LMO7: variants seen among roughly 807,000 people sequenced by gnomAD.
The protein encoded by LMO7 is LIM domain 7.
Under a neutral mutation model 206.5 loss-of-function variants are expected in LMO7, and 120 were observed. That is an observed-to-expected ratio of 0.58 (90% CI 0.50 to 0.68). LMO7 has a LOEUF of 0.68. Ranked by LOEUF, LMO7 falls within the 30% of genes least tolerant of loss-of-function variation. The pLI is 0.00. For synonymous variants in LMO7, 706 were observed against 681.5 expected, an observed-to-expected ratio of 1.04 and a Z score of -0.56; for missense variants, 1,959 against 1,957.9, an observed-to-expected ratio of 1.00 and a Z score of -0.01.
chr13:75,797,937 C>T (rs1595086853), intron 6 of LMO7, among the ~76,000 whole-genome samples: 1 of 152,160 alleles, frequency 6.6e-6, no homozygotes, highest in Admixed American at 6.5e-5. Flanking sequence ...CCTCATAAAG[C>T]ACAATTGTCT....
intron 4 of LMO7, among the ~76,000 whole-genome samples, chr13:75,788,230 A>G (rs1456400156): frequency 1.3e-5 from 2 of 151,960 alleles, no homozygotes; most frequent in African/African-American, 4.8e-5. Flanking sequence ...GGCTTGTTGC[A>G]TATATAAAAA....
chr13:75,733,335 C>T (rs1043518803), intron 3 of LMO7, among the ~76,000 whole-genome samples: 19 of 152,208 alleles, frequency 1.2e-4, no homozygotes, highest in Admixed American at 2.6e-4. Flanking sequence ...CAATGGCGGG[C>T]GCCCCTCCCC....
Position 75,834,506 on chromosome 13 carries a change from G to A in LMO7, c.3226+119G>A, listed in dbSNP as rs996278916. ...TTTCACTTATGTTTTGGCATTAAAGGTTTTTGTAGTTACGTCATGACAAAT... is the reference window on the plus strand; with the variant it reads ...TTTCACTTATGTTTTGGCATTAAAGATTTTTGTAGTTACGTCATGACAAAT... On this transcript the variant is annotated intron_variant, in intron 17 of 30. Transcript: ENST00000377534. 1.2e-4 allele frequency: 89 copies of A among 725,092 alleles called. 1 individual carries two copies. The highest frequency in any genetic ancestry group is 1.8e-4 in the Non-Finnish European group (82 of 463,708). The allele number at this position is 725,092 out of a possible 1,614,324, so 44.9% of individuals were successfully genotyped here. A position where few individuals can be genotyped will look rare whatever the true frequency, so the allele number is the denominator to read the frequency against.
intron 6 of LMO7, among the ~76,000 whole-genome samples, chr13:75,797,633 T>C (rs2054200808): frequency 6.6e-6 from 1 of 152,192 alleles, no homozygotes; most frequent in African/African-American, 2.4e-5. Context: ...TTGCAATAAA[T>C]ATTAGTTGCT....
intron 2 of LMO7, among the ~76,000 whole-genome samples, chr13:75,721,397 G>A (rs1306478524): frequency 6.6e-6 from 1 of 152,162 alleles, no homozygotes; most frequent in Non-Finnish European, 1.5e-5. Context: ...TTTGGAGAGG[G>A]AGAGGGTTGT....
chr13:75,688,399 T>G (rs578139964), intron 1 of LMO7, among the ~76,000 whole-genome samples: 5 of 152,340 alleles, frequency 3.3e-5, no homozygotes, highest in South Asian at 4.1e-4. Context: ...GATAAACTCC[T>G]TAGAAAAAGG....
chr13:75,771,973 A>G (rs1176034177), intron 4 of LMO7, among the ~76,000 whole-genome samples: 3 of 152,094 alleles, frequency 2.0e-5, no homozygotes, highest in Non-Finnish European at 4.4e-5. Context: ...ATCAAGGGTA[A>G]CAATAAATAG....
intron 1 of LMO7, among the ~76,000 whole-genome samples, chr13:75,662,824 G>C (rs1187681085): frequency 6.6e-6 from 1 of 152,224 alleles, no homozygotes; most frequent in African/African-American, 2.4e-5. Context: ...AAGGAGGACT[G>C]TGTGAGCAAA....
chr13:75,658,600 T>C (rs1159598111), intron 1 of LMO7, among the ~76,000 whole-genome samples: 1 of 152,212 alleles, frequency 6.6e-6, no homozygotes, highest in Non-Finnish European at 1.5e-5. Context: ...ATTTTTATTT[T>C]TGAGATGGAA....
intron 27 of LMO7, among the ~76,000 whole-genome samples, chr13:75,850,444 A>G (rs1182279807): frequency 6.6e-6 from 1 of 152,232 alleles, no homozygotes; most frequent in East Asian, 1.9e-4. Context: ...TCAAGGATGT[A>G]CACTTACACA....
chr13:75,632,170 AG>A (rs2035036026), upstream of LMO7: 1 of 152,342 alleles, frequency 6.6e-6, no homozygotes, highest in African/African-American at 2.4e-5. Context: ...CTCCTAAGGC[AG>A]GTGCTGTACC....
At chr13:75,638,612 T>C (rs1249801370) in intron 1 of LMO7, among the ~76,000 whole-genome samples, 1 of 152,204 alleles carries the variant, frequency 6.6e-6, no homozygotes, top group Admixed American at 6.5e-5. Context: ...TATGTTTGCC[T>C]TCATTGTGTA....
At chr13:75,754,396 C>T (rs2047510512) in intron 3 of LMO7, among the ~76,000 whole-genome samples, 1 of 152,168 alleles carries the variant, frequency 6.6e-6, no homozygotes, top group Admixed American at 6.5e-5. Flanking sequence ...ACATGTTTAT[C>T]CATTTACCTC....
intron 3 of LMO7, among the ~76,000 whole-genome samples, chr13:75,742,765 A>G (rs1273051591): frequency 2.0e-5 from 3 of 152,242 alleles, no homozygotes; most frequent in Admixed American, 2.0e-4. Context: ...CAAACTATAA[A>G]AATTGTGGAA....
intron 2 of LMO7, among the ~76,000 whole-genome samples, chr13:75,626,593 A>ATATATATATATAT (rs1566249204): frequency 7.7e-5 from 5 of 64,666 alleles, no homozygotes; most frequent in African/African-American, 1.1e-4. Flanking sequence ...ATATATATAT[A>ATATATATATATAT]AATTTTTTTG....
Position 75,849,309 on chromosome 13 carries a change from G to A in LMO7, c.4364+17G>A, listed in dbSNP as rs776309727. The A allele has an allele frequency of 4.4e-5, 70 of 1,597,576 alleles. 1 individual carries two copies. The East Asian group carries it at 1.6e-3, about 36-fold the overall frequency. ...CATGAGAAGGTGCGAGACATCTTAGGAATTGGTTTCTTGTCTTTACTGTGA... is the reference window on the plus strand; with the variant it reads ...CATGAGAAGGTGCGAGACATCTTAGAAATTGGTTTCTTGTCTTTACTGTGA... On this transcript the variant is annotated intron_variant, in intron 27 of 30. Coordinates refer to ENST00000377534, the MANE Select transcript of LMO7 (RefSeq NM_001306080.2).
At chr13:75,770,672 T>C (rs1419458242) in intron 4 of LMO7, among the ~76,000 whole-genome samples, 2 of 152,136 alleles carry the variant, frequency 1.3e-5, no homozygotes, top group African/African-American at 2.4e-5. Flanking sequence ...AATCTCTGTA[T>C]TATAGCCTCC....
rs778079912 is a variant in LMO7, at chr13:75,819,550, T to G, written c.2207+15T>G. ...CTGCAGGACAGGTAATAATGCTGAA[T>G]GCACCTCGGTTGTAACAGGGTTGGA... On this transcript the variant is annotated intron_variant, in intron 13 of 30. Coordinates refer to ENST00000377534, the MANE Select transcript of LMO7 (RefSeq NM_001306080.2). 3 of 1,561,054 alleles carry G rather than the reference T, an allele frequency of 1.9e-6. No homozygotes were observed. Among genetic ancestry groups the G allele is most frequent in the Admixed American group, 2.1e-5 (1 of 47,362 alleles).
At chr13:75,836,023 A>T (rs1200978780) in intron 18 of LMO7, among the ~76,000 whole-genome samples, 1 of 152,174 alleles carries the variant, frequency 6.6e-6, no homozygotes, top group African/African-American at 2.4e-5. Flanking sequence ...TAACTCTTTT[A>T]TTTAATAAGG....
Sources: gnomAD v4.1 joint callset for allele counts (sites outside exome capture counted in the v4.1 genomes callset) on GRCh38, gnomAD v4.1.1 for gene constraint, MANE v1.5 for transcripts, NCBI Gene and HGNC (gene_info 2026-07-23, HGNC 2026-07-21) for gene names.